The following FGF14 variants were observed in gnomAD, a reference collection of about 807,000 sequenced individuals.
FGF14 encodes the protein fibroblast growth factor homologous factor 4.
Under a neutral mutation model 25.5 loss-of-function variants are expected in FGF14, and 5 were observed. The observed-to-expected ratio is 0.20, with a 90% CI of 0.10 to 0.41. The LOEUF is 0.41. Ranked by LOEUF, FGF14 falls within the 10% of genes least tolerant of loss-of-function variation. FGF14 has a pLI of 1.00. For missense variants in FGF14, 222 were observed against 320.1 expected (o/e 0.69, Z 2.34); for synonymous variants, 138 against 118.3 (o/e 1.17, Z -1.08).
intron 1 of FGF14, among the ~76,000 whole-genome samples, chr13:101,913,036 A>T (rs1282251844): frequency 1.3e-5 from 2 of 152,242 alleles, no homozygotes; most frequent in Non-Finnish European, 2.9e-5. Flanking sequence ...GACGTATGAA[A>T]TACCACAGGA....
At chr13:101,842,706 G>A (rs552774284) in intron 3 of FGF14, among the ~76,000 whole-genome samples, 3 of 152,044 alleles carry the variant, frequency 2.0e-5, no homozygotes, top group Non-Finnish European at 4.4e-5. Context: ...GATCTGACCA[G>A]CATGACTCGG....
At chr13:102,020,420 T>C (rs537551573) in intron 1 of FGF14, among the ~76,000 whole-genome samples, 1 of 151,952 alleles carries the variant, frequency 6.6e-6, no homozygotes, top group Non-Finnish European at 1.5e-5. Flanking sequence ...TGGTGGTGCA[T>C]GCCTGTAATC....
chr13:102,382,848 G>T (rs1374049827), intron 1 of FGF14, among the ~76,000 whole-genome samples: 1 of 151,974 alleles, frequency 6.6e-6, no homozygotes, highest in African/African-American at 2.4e-5. Flanking sequence ...CTAAATAAAA[G>T]AAGCCAGATA....
intron 3 of FGF14, among the ~76,000 whole-genome samples, chr13:101,861,592 C>A (rs1455883413): frequency 6.6e-6 from 1 of 151,936 alleles, no homozygotes; most frequent in Non-Finnish European, 1.5e-5. Flanking sequence ...TGTACAGAAA[C>A]AAAGGGAGCC....
intron 3 of FGF14, among the ~76,000 whole-genome samples, chr13:101,741,397 C>T (rs368248448): frequency 2.0e-5 from 3 of 152,216 alleles, no homozygotes; most frequent in African/African-American, 7.2e-5. Context: ...AGACTATCAG[C>T]TTACTAATGG....
chr13:102,082,135 A>G (rs1039783650), intron 1 of FGF14, among the ~76,000 whole-genome samples: 1 of 152,158 alleles, frequency 6.6e-6, no homozygotes, highest in African/African-American at 2.4e-5. Flanking sequence ...TGGAAAATAA[A>G]AAAAGACTAC....
At chr13:102,378,994 T>C (rs1284055546) in intron 1 of FGF14, among the ~76,000 whole-genome samples, 1 of 151,958 alleles carries the variant, frequency 6.6e-6, no homozygotes, top group African/African-American at 2.4e-5. Context: ...TGTCTAGGAG[T>C]TGTACCAAAA....
At chr13:102,287,690 C>A (rs561543762) in intron 1 of FGF14, among the ~76,000 whole-genome samples, 1 of 152,324 alleles carries the variant, frequency 6.6e-6, no homozygotes, top group South Asian at 2.1e-4. Flanking sequence ...AAATATATCA[C>A]ATGAAATTTT....
intron 1 of FGF14, among the ~76,000 whole-genome samples, chr13:102,143,279 G>T (rs886416566): frequency 5.3e-5 from 8 of 152,028 alleles, no homozygotes; most frequent in Non-Finnish European, 1.5e-5. Context: ...AAGTATGGGG[G>T]GTTAGGTGGG....
chr13:101,935,743 A>G (rs116572561), intron 1 of FGF14, among the ~76,000 whole-genome samples: 2 of 152,086 alleles, frequency 1.3e-5, no homozygotes, highest in Admixed American at 1.3e-4. Flanking sequence ...GGACTAATAT[A>G]CCAACCAAAT....
chr13:102,182,028 T>C (rs1466068976), intron 1 of FGF14, among the ~76,000 whole-genome samples: 1 of 152,080 alleles, frequency 6.6e-6, no homozygotes, highest in African/African-American at 2.4e-5. Flanking sequence ...CAGCCACCCA[T>C]TTTGTGGTAC....
chr13:101,730,971 A>T (rs1238466342), intron 3 of FGF14, among the ~76,000 whole-genome samples: 1 of 152,190 alleles, frequency 6.6e-6, no homozygotes, highest in Non-Finnish European at 1.5e-5. Flanking sequence ...GATTTTTCAA[A>T]GGAAGTAAGA....
At chr13:102,019,883 G>A (rs1030821034) in intron 1 of FGF14, among the ~76,000 whole-genome samples, 9 of 152,242 alleles carry the variant, frequency 5.9e-5, no homozygotes, top group Admixed American at 1.3e-4. Context: ...TCTATTCAAC[G>A]CAGGTGTGAA....
chr13:102,173,926 G>GA (rs1266650100), intron 1 of FGF14, among the ~76,000 whole-genome samples: 2 of 152,058 alleles, frequency 1.3e-5, no homozygotes, highest in Non-Finnish European at 2.9e-5. Context: ...GTATAGTACT[G>GA]AAAGTCCTAG....
At chr13:101,830,264 T>C (rs114730174) in intron 3 of FGF14, among the ~76,000 whole-genome samples, 1,703 of 152,094 alleles carry the variant, frequency 0.011, 27 homozygotes, top group African/African-American at 0.039. Flanking sequence ...CTCTTACAGT[T>C]ATCCTGGGCC....
At chr13:102,239,622 TTA>T (rs2051494080) in intron 1 of FGF14, among the ~76,000 whole-genome samples, 1 of 152,128 alleles carries the variant, frequency 6.6e-6, no homozygotes, top group Admixed American at 6.5e-5. Flanking sequence ...AAAATAAAGA[TTA>T]TGAAATAATG....
chr13:102,268,195 A>G (rs1415059), intron 1 of FGF14, among the ~76,000 whole-genome samples: 88,708 of 151,946 alleles, frequency 0.58, 26,076 homozygotes, highest in Middle Eastern at 0.67. Context: ...CACTGTCTCC[A>G]TGACATCCAA....
intron 1 of FGF14, among the ~76,000 whole-genome samples, chr13:102,298,783 A>T (rs2054867643): frequency 1.3e-5 from 2 of 152,202 alleles, no homozygotes; most frequent in Admixed American, 1.3e-4. Context: ...TATCCCCAAG[A>T]ACAAAAGAGC....
At chr13:102,208,834 C>G (rs150902379) in intron 1 of FGF14, among the ~76,000 whole-genome samples, 153 of 152,200 alleles carry the variant, frequency 1.0e-3, no homozygotes, top group African/African-American at 3.6e-3. Context: ...CAGCTGTCCC[C>G]CTGTTGAATA....
Sources: gnomAD v4.1 joint callset for allele counts (sites outside exome capture counted in the v4.1 genomes callset) on GRCh38, gnomAD v4.1.1 for gene constraint, MANE v1.5 for transcripts, NCBI Gene and HGNC (gene_info 2026-07-23, HGNC 2026-07-21) for gene names.